Variants in SRRM3 observed in about 807,000 individuals in gnomAD.
The protein encoded by SRRM3 is serine/arginine repetitive matrix 3, also known as serine/arginine repetitive matrix protein 3.
SRRM3 carries 27 observed loss-of-function variants against 66.2 expected under a neutral mutation model. The ratio of observed to expected loss-of-function variants is 0.41; its 90% CI spans 0.30 to 0.56. The LOEUF (loss-of-function observed/expected upper bound fraction) is 0.56. SRRM3 is among the 20% of genes least tolerant of loss of function. SRRM3 has a pLI of 0.32. For missense variants in SRRM3, 918 were observed against 991.9 expected (o/e 0.93, Z 1.00); for synonymous variants, 391 against 414.9 (o/e 0.94, Z 0.70).
chr7:76,285,795 C>T lies in SRRM3; in HGVS notation c.1914C>T (p.Pro638=). 1 of 1,550,958 alleles carries T rather than the reference C, an allele frequency of 6.4e-7. No homozygotes were observed. Among genetic ancestry groups the T allele is most frequent in the Non-Finnish European group, 8.7e-7 (1 of 1,147,170 alleles). ...GGACACGCAGCCCCTCGAGGACCCC[C>T]AGTCCCAGCTACCACAGCCGGAGCA... The part of the protein sequence containing the change: ...RSRTRSPSRT[P]SPSYHSRSSS... Residue 638 remains proline (P), a synonymous_variant, in exon 15 of 15, where the codon CCC becomes CCT. Transcript: ENST00000611745. This position sits in a 1 kb window ranked among gnomAD's most constrained non-coding sequence, Gnocchi z 4.1.
rs1802568406 is a variant in SRRM3, at chr7:76,283,025, C to G, written c.1657C>G (p.Arg553Gly). ...GGCCGAGGCCACCCGCGCCCGGCGC[C>G]GCTCCCGCAGCTACTCGCCCATCCG... The part of the protein sequence containing the change: ...SEAEATRARR[R>G]SRSYSPIRKR... Residue 553 changes from arginine to glycine, a missense_variant, in exon 14 of 15, where the codon CGC becomes GGC. Arg to Gly is a moderately radical substitution (Grantham distance 125). Transcript: ENST00000611745. 5 of 1,481,564 alleles carry G rather than the reference C, an allele frequency of 3.4e-6. No homozygotes were observed. The highest frequency in any genetic ancestry group is 2.8e-5 in the East Asian group (1 of 36,296). 91.8% of individuals were successfully genotyped at this position (1,481,564 alleles called of 1,614,324 possible). A position where few individuals can be genotyped will look rare whatever the true frequency, so the allele number is the denominator to read the frequency against.
chr7:76,242,368 C>T (rs1455791805), intron 2 of SRRM3, among the ~76,000 whole-genome samples: 1 of 151,980 alleles, frequency 6.6e-6, no homozygotes, highest in African/African-American at 2.4e-5. Flanking sequence ...GCCTGTAGTC[C>T]CAGCTGCTTG....
chr7:76,261,042 C>A, intron 6 of SRRM3, 139 bp downstream of exon 6: 2 of 878,486 alleles, frequency 2.3e-6, no homozygotes, highest in South Asian at 1.8e-5. Flanking sequence ...AAGTTTTGCC[C>A]CTACAGAGGC....
At chr7:76,216,315 G>A (rs1800571031) in intron 1 of SRRM3, among the ~76,000 whole-genome samples, 1 of 152,056 alleles carries the variant, frequency 6.6e-6, no homozygotes, top group Non-Finnish European at 1.5e-5. Flanking sequence ...CCAAAGTGCT[G>A]GGATTACAGG....
At chr7:76,213,409 C>A (rs1800484315) in intron 1 of SRRM3, among the ~76,000 whole-genome samples, 1 of 152,166 alleles carries the variant, frequency 6.6e-6, no homozygotes, top group African/African-American at 2.4e-5. Context: ...GTCCTCACAA[C>A]ATCCAATGAT....
At chr7:76,278,547 T>C (rs1247588546) in intron 11 of SRRM3, among the ~76,000 whole-genome samples, 1 of 152,018 alleles carries the variant, frequency 6.6e-6, no homozygotes, top group Non-Finnish European at 1.5e-5. Flanking sequence ...TCTCCTAGCC[T>C]AGGGTGAGGG....
intron 2 of SRRM3, among the ~76,000 whole-genome samples, chr7:76,236,598 T>C (rs1464589887): frequency 6.6e-6 from 1 of 152,110 alleles, no homozygotes; most frequent in Non-Finnish European, 1.5e-5. Flanking sequence ...ACCCCCAGGC[T>C]TAGGCAGAGA....
chr7:76,280,516 C>CG (rs553179115), intron 11 of SRRM3, among the ~76,000 whole-genome samples: 2,126 of 151,084 alleles, frequency 0.014, 51 homozygotes, highest in African/African-American at 0.049. Flanking sequence ...TCCGTCCCAT[C>CG]GGGGGGGCAA....
chr7:76,281,894 C>G, intron 12 of SRRM3, 92 bp downstream of exon 12: 1 of 1,033,324 alleles, frequency 9.7e-7, no homozygotes, highest in Non-Finnish European at 1.2e-6. Context: ...GATCCCTCCC[C>G]GCGCTGAGCT....
chr7:76,234,194 AGTGT>A (rs58369922), intron 1 of SRRM3, among the ~76,000 whole-genome samples: 11 of 141,130 alleles, frequency 7.8e-5, no homozygotes, highest in South Asian at 2.3e-4. Flanking sequence ...AAGTCCTTGG[AGTGT>A]GTGTGTGTGT....
At position 76,267,403 on chromosome 7, in the gene SRRM3, G is replaced by A; in HGVS notation, c.976G>A (p.Gly326Ser). Residue 326 changes from glycine to serine, a missense_variant, in exon 11 of 15, where the codon GGC (glycine) becomes AGC (serine). Physicochemically the swap from Gly to Ser is moderately conservative, Grantham distance 56. Transcript: ENST00000611745. The stretch of plus-strand genomic sequence containing the variant: ...CGGGCAGCGGAGCGGAGCGCACGGG[G>A]GCCGCCCCGGCTCGGCGCACAGCCC... ...GSGQRSGAHG[G>S]RPGSAHSPPD... 7.2e-7 allele frequency: 1 copy of A among 1,390,572 alleles called. No individual in the cohort carries two copies. The highest frequency in any genetic ancestry group is 9.3e-7 in the Non-Finnish European group (1 of 1,078,090). 86.1% of individuals were successfully genotyped at this position (1,390,572 alleles called of 1,614,324 possible). A position where few individuals can be genotyped will look rare whatever the true frequency, so the allele number is the denominator to read the frequency against.
chr7:76,267,157 C>G (rs1438583954), intron 10 of SRRM3, 101 bp from the exon 11 acceptor site: 12 of 1,160,316 alleles, frequency 1.0e-5, no homozygotes, highest in Admixed American at 4.0e-5. Context: ...GAGGGCTGCT[C>G]TCTTTCCCCG....
intron 2 of SRRM3, among the ~76,000 whole-genome samples, chr7:76,239,304 G>A (rs1176869053): frequency 6.6e-6 from 1 of 152,182 alleles, no homozygotes. Context: ...AAAGTGCTGG[G>A]ATTACAGGTG....
intron 8 of SRRM3, among the ~76,000 whole-genome samples, chr7:76,262,061 C>T (rs550442772): frequency 1.3e-5 from 2 of 151,914 alleles, no homozygotes; most frequent in South Asian, 2.1e-4. Context: ...TGGAGCCATC[C>T]TCCACCCAGG....
At chr7:76,263,849 G>C (rs1343420612) in intron 8 of SRRM3, among the ~76,000 whole-genome samples, 1 of 133,610 alleles carries the variant, frequency 7.5e-6, no homozygotes, top group African/African-American at 3.0e-5. Flanking sequence ...CACCAGCCTG[G>C]GCAACAGAGC....
chr7:76,214,035 C>T (rs1227884105), intron 1 of SRRM3, among the ~76,000 whole-genome samples: 1 of 152,106 alleles, frequency 6.6e-6, no homozygotes, highest in Non-Finnish European at 1.5e-5. Flanking sequence ...ACCTCAGCCT[C>T]CCAAAGTGTT....
At chr7:76,277,716 CAAA>C (rs386353056) in intron 11 of SRRM3, among the ~76,000 whole-genome samples, 2,705 of 102,734 alleles carry the variant, frequency 0.026, 45 homozygotes, top group African/African-American at 0.063. Context: ...TAAACAACAA[CAAA>C]AAAAAAAAAA....
intron 2 of SRRM3, among the ~76,000 whole-genome samples, chr7:76,240,038 C>T (rs1470829993): frequency 2.0e-5 from 3 of 151,950 alleles, no homozygotes; most frequent in African/African-American, 7.3e-5. Flanking sequence ...TGGTGGTGGA[C>T]GCCTGTAATT....
At chr7:76,259,489 A>T (rs144217986) in intron 3 of SRRM3, among the ~76,000 whole-genome samples, 45 of 151,820 alleles carry the variant, frequency 3.0e-4, no homozygotes, top group African/African-American at 1.1e-3. Flanking sequence ...AGGAGGAAGG[A>T]TCGCTTGGGC....
Sources: gnomAD v4.1 joint callset for allele counts (sites outside exome capture counted in the v4.1 genomes callset) on GRCh38, gnomAD v4.1.1 for gene constraint, Gnocchi (gnomAD v3.1) non-coding constraint, MANE v1.5 for transcripts, NCBI Gene and HGNC (gene_info 2026-07-23, HGNC 2026-07-21) for gene names.